The following MAP4K4 variants were observed in gnomAD, a reference collection of about 807,000 sequenced individuals.
MAP4K4 encodes the protein mitogen-activated protein kinase kinase kinase kinase 4.
In MAP4K4, 38 loss-of-function variants were observed where a neutral mutation model predicts 189.6. That is an observed-to-expected ratio of 0.20 (90% CI 0.15 to 0.26). The LOEUF is 0.26. MAP4K4 is among the 10% of genes least tolerant of loss of function. MAP4K4 has a pLI of 1.00. For missense variants in MAP4K4, 1,054 were observed against 1,726.9 expected (o/e 0.61, Z 6.91); for synonymous variants, 610 against 624.3 (o/e 0.98, Z 0.34).
At chr2:101,821,302 T>C (rs1432646492) in intron 3 of MAP4K4, among the ~76,000 whole-genome samples, 1 of 152,226 alleles carries the variant, frequency 6.6e-6, no homozygotes, top group Non-Finnish European at 1.5e-5. Flanking sequence ...TGTGCATCAC[T>C]TAACCATGAG....
chr2:101,706,745 T>C (rs1305210943), intron 2 of MAP4K4, among the ~76,000 whole-genome samples: 1 of 152,246 alleles, frequency 6.6e-6, no homozygotes, highest in Non-Finnish European at 1.5e-5. Context: ...GTCTGTTTCC[T>C]GGATACTGCA....
At chr2:101,841,717 T>C (rs2096924211) in intron 10 of MAP4K4, among the ~76,000 whole-genome samples, 1 of 152,306 alleles carries the variant, frequency 6.6e-6, no homozygotes, top group Admixed American at 6.5e-5. Context: ...TCTGCCCGCC[T>C]CAGTCTCCCA....
intron 2 of MAP4K4, among the ~76,000 whole-genome samples, chr2:101,775,446 A>T (rs1359073999): frequency 6.6e-6 from 1 of 151,816 alleles, no homozygotes. Context: ...ATCATCTGAG[A>T]GGTTTGAAGG....
At chr2:101,785,706 C>CTTTTCCTTTTTTGTGT (rs1558914088) in intron 2 of MAP4K4, among the ~76,000 whole-genome samples, 1 of 5,266 alleles carries the variant, frequency 1.9e-4, no homozygotes, top group African/African-American at 2.5e-3. Context: ...CTCTCTCTCT[C>CTTTTCCTTTTTTGTGT]TCTCTCTCTC....
chr2:101,732,930 A>G (rs1260166661), intron 2 of MAP4K4, among the ~76,000 whole-genome samples: 1 of 152,200 alleles, frequency 6.6e-6, no homozygotes, highest in African/African-American at 2.4e-5. Flanking sequence ...GGAAAGATGG[A>G]TATGTAGTCT....
chr2:101,716,005 G>A (rs751848642), intron 2 of MAP4K4, among the ~76,000 whole-genome samples: 50 of 152,322 alleles, frequency 3.3e-4, no homozygotes, highest in Non-Finnish European at 6.2e-4. Flanking sequence ...TCTAATGCCT[G>A]ATGATCTGTC....
intron 2 of MAP4K4, among the ~76,000 whole-genome samples, chr2:101,770,958 T>C (rs193293845): frequency 8.2e-4 from 125 of 152,340 alleles, no homozygotes; most frequent in Non-Finnish European, 1.7e-3. Flanking sequence ...CTGTGTAGGC[T>C]CTACCTGATT....
At chr2:101,740,628 A>G (rs1310533953) in intron 2 of MAP4K4, among the ~76,000 whole-genome samples, 1 of 152,196 alleles carries the variant, frequency 6.6e-6, no homozygotes, top group East Asian at 1.9e-4. Flanking sequence ...GTCTGCAGTA[A>G]CTGTTCTTTT....
intron 2 of MAP4K4, among the ~76,000 whole-genome samples, chr2:101,707,943 C>A (rs560301943): frequency 6.6e-6 from 1 of 151,490 alleles, no homozygotes; most frequent in Non-Finnish European, 1.5e-5. Flanking sequence ...CCTGGTGATC[C>A]GCCCACCTCG....
At chr2:101,862,559 C>A (rs1218118543) in intron 16 of MAP4K4, among the ~76,000 whole-genome samples, 1 of 152,118 alleles carries the variant, frequency 6.6e-6, no homozygotes, top group African/African-American at 2.4e-5. Flanking sequence ...AATCTTTGGC[C>A]ACTAATAGTT....
At chr2:101,760,159 C>CT (rs912163437) in intron 2 of MAP4K4, among the ~76,000 whole-genome samples, 12 of 150,296 alleles carry the variant, frequency 8.0e-5, no homozygotes, top group East Asian at 4.0e-4. Flanking sequence ...TTTTCTTTTT[C>CT]TTTTTTTTTA....
Position 101,740,396 on chromosome 2 carries a change from C to T in MAP4K4, c.123+41858C>T, listed in dbSNP as rs955844910. Reference sequence around the variant, plus strand: ...GTCTCGATCTCCTGACCTCGTGATCCGCCCGCCTCGGCCTCCCAAAGTGCT... The same window carrying T: ...GTCTCGATCTCCTGACCTCGTGATCTGCCCGCCTCGGCCTCCCAAAGTGCT... On this transcript the variant is annotated intron_variant, in intron 2 of 32. Transcript: ENST00000324219. Among the ~76,000 whole-genome samples, 3 of 102,544 alleles carry T rather than the reference C, an allele frequency of 2.9e-5. 1 individual carries two copies. The highest frequency in any genetic ancestry group is 3.1e-4 in the African/African-American group (2 of 6,414). 67.3% of individuals were successfully genotyped at this position (102,544 alleles called of 152,430 possible). A position where few individuals can be genotyped will look rare whatever the true frequency, so the allele number is the denominator to read the frequency against.
At chr2:101,861,729 T>G (rs1441674097) in intron 16 of MAP4K4, 2 of 152,214 alleles carry the variant, frequency 1.3e-5, no homozygotes, top group African/African-American at 4.8e-5. Context: ...GCTAAAGATC[T>G]TAGAGATCCT....
chr2:101,724,677 T>C (rs2054221600), intron 2 of MAP4K4, among the ~76,000 whole-genome samples: 1 of 152,232 alleles, frequency 6.6e-6, no homozygotes, highest in South Asian at 2.1e-4. Context: ...TTAAGGAATA[T>C]GTAGTTCTCT....
rs569133983 is a variant in MAP4K4, at chr2:101,771,429, T to C, written c.124-19291T>C. Among the ~76,000 whole-genome samples the C allele has an allele frequency of 1.2e-4, 18 of 152,328 alleles. No individual in the cohort carries two copies. The South Asian group carries it at 3.7e-3, about 32-fold the overall frequency. On this transcript the variant is annotated intron_variant, in intron 2 of 32. Coordinates refer to ENST00000324219, the Ensembl canonical transcript of MAP4K4. ...GTTGCATTCCCCTTTTCTGTGCTTA[T>C]GCTTTTGTCTTTAAGCATACCAGCA...
exon 13 of MAP4K4, chr2:101,856,059 A>AGGAGTT: frequency 6.4e-7 from 1 of 1,551,798 alleles, no homozygotes; most frequent in Non-Finnish European, 8.7e-7. Context: ...AGGCGTCTAG[A>AGGAGTT]GGAGTTGGAG....
chr2:101,889,693 C>G (rs1436151143), intron 32 of MAP4K4, among the ~76,000 whole-genome samples: 1 of 152,188 alleles, frequency 6.6e-6, no homozygotes, highest in Non-Finnish European at 1.5e-5. Context: ...CTACCTAAGG[C>G]AAGACACCAC....
intron 2 of MAP4K4, among the ~76,000 whole-genome samples, chr2:101,769,308 A>G (rs746507598): frequency 1.3e-5 from 2 of 152,196 alleles, no homozygotes; most frequent in Non-Finnish European, 2.9e-5. Flanking sequence ...TAGATCTGTA[A>G]TAGTGAATAT....
At chr2:101,822,803 A>G (rs1227429210) in intron 3 of MAP4K4, among the ~76,000 whole-genome samples, 2 of 152,208 alleles carry the variant, frequency 1.3e-5, no homozygotes, top group Non-Finnish European at 2.9e-5. Context: ...GTGTCAGTGT[A>G]GAAAAGTAAG....
Sources: gnomAD v4.1 joint callset for allele counts (sites outside exome capture counted in the v4.1 genomes callset) on GRCh38, gnomAD v4.1.1 for gene constraint, MANE v1.5 for transcripts, NCBI Gene and HGNC (gene_info 2026-07-23, HGNC 2026-07-21) for gene names.